Variants in CTIF observed in about 807,000 individuals in gnomAD.
CTIF encodes CBP80/20-dependent translation initiation factor.
CTIF carries 21 observed loss-of-function variants against 66.0 expected under a neutral mutation model. The ratio of observed to expected loss-of-function variants is 0.32; its 90% CI spans 0.23 to 0.46. The LOEUF is 0.46. CTIF is among the 20% of genes least tolerant of loss of function. The probability of loss-of-function intolerance (pLI) is 1.00; values close to 1 mark genes in which losing one functional copy is unlikely to be tolerated. For missense variants in CTIF, 739 were observed against 812.7 expected, an observed-to-expected ratio of 0.91 and a Z score of 1.10; for synonymous variants, 345 against 326.4, an observed-to-expected ratio of 1.06 and a Z score of -0.62.
chr18:48,661,249 T>C (rs1264220290), intron 3 of CTIF, among the ~76,000 whole-genome samples: 2 of 152,084 alleles, frequency 1.3e-5, no homozygotes, highest in Non-Finnish European at 2.9e-5. Context: ...CCAGAGAACA[T>C]TGGGTATTTA....
intron 6 of CTIF, among the ~76,000 whole-genome samples, chr18:48,705,011 AGGCAGT>A (rs1033144891): frequency 6.6e-6 from 1 of 152,198 alleles, no homozygotes; most frequent in Admixed American, 6.5e-5. Context: ...CTCGGCTGGC[AGGCAGT>A]GGTGGAGACA....
At chr18:48,590,399 G>A (rs2143959754) in intron 1 of CTIF, among the ~76,000 whole-genome samples, 1 of 152,384 alleles carries the variant, frequency 6.6e-6, no homozygotes, top group East Asian at 1.9e-4. Context: ...CAGGAGGCCT[G>A]TGGGAAAGGG....
At chr18:48,576,463 C>A (rs553716342) in intron 1 of CTIF, among the ~76,000 whole-genome samples, 5 of 152,322 alleles carry the variant, frequency 3.3e-5, no homozygotes, top group Admixed American at 6.5e-5. Flanking sequence ...TAGGCGCTGC[C>A]CTCACCCTGG....
intron 8 of CTIF, among the ~76,000 whole-genome samples, chr18:48,759,511 A>C: frequency 6.6e-6 from 1 of 151,920 alleles, no homozygotes; most frequent in East Asian, 1.9e-4. Context: ...GCTAAATGTA[A>C]CTGCAGGGCA....
chr18:48,725,413 C>G, intron 7 of CTIF, among the ~76,000 whole-genome samples: 1 of 152,118 alleles, frequency 6.6e-6, no homozygotes, highest in East Asian at 1.9e-4. Flanking sequence ...TCCCAACGCC[C>G]CTCCTAGGAT....
chr18:48,791,972 A>T (rs1199912555), intron 9 of CTIF, among the ~76,000 whole-genome samples: 2 of 152,204 alleles, frequency 1.3e-5, no homozygotes, highest in South Asian at 2.1e-4. Context: ...GCCCTGGGCT[A>T]TGGTGGGATT....
At chr18:48,600,773 G>A (rs763345373) in intron 1 of CTIF, among the ~76,000 whole-genome samples, 3 of 152,122 alleles carry the variant, frequency 2.0e-5, no homozygotes, top group Non-Finnish European at 4.4e-5. Context: ...AGTGCTGGAT[G>A]AGATAGACAA....
At chr18:48,564,408 T>C (rs1329306842) in intron 1 of CTIF, among the ~76,000 whole-genome samples, 1 of 152,124 alleles carries the variant, frequency 6.6e-6, no homozygotes, top group Non-Finnish European at 1.5e-5. Flanking sequence ...GCAGGCGGCC[T>C]TCGCTAGGCC....
chr18:48,783,249 G>T (rs1196286640), intron 9 of CTIF, among the ~76,000 whole-genome samples: 1 of 152,148 alleles, frequency 6.6e-6, no homozygotes, highest in East Asian at 1.9e-4. Flanking sequence ...AACCACAGCT[G>T]GTCTACATTG....
At chr18:48,569,649 C>G (rs1568038617) in intron 1 of CTIF, among the ~76,000 whole-genome samples, 1 of 152,178 alleles carries the variant, frequency 6.6e-6, no homozygotes, top group Non-Finnish European at 1.5e-5. Context: ...AAAAGCAGGA[C>G]AGACAACCTG....
At chr18:48,824,719 C>A (rs867319775) in intron 10 of CTIF, among the ~76,000 whole-genome samples, 4 of 151,986 alleles carry the variant, frequency 2.6e-5, no homozygotes, top group African/African-American at 9.7e-5. Context: ...CCCACTGCAA[C>A]CTTCTTCGCC....
In CTIF at chr18:48,761,753, C is replaced by A; in HGVS notation, c.1371+64C>A. On this transcript the variant is annotated intron_variant, in intron 9 of 11. Transcript: ENST00000256413. This position sits in a 1 kb window ranked among gnomAD's most constrained non-coding sequence, Gnocchi z 4.2. ...CCCCTCTGCGTTCGGTGAGTTATTC[C>A]TAGCGAGAAGGCTGCGAGTTCTGGC... is the stretch of plus-strand genomic sequence containing the variant. The A allele has an allele frequency of 6.7e-7, 1 of 1,490,890 alleles. No homozygotes were observed. Among genetic ancestry groups the A allele is most frequent in the Non-Finnish European group, 9.2e-7 (1 of 1,092,044 alleles). 92.4% of individuals were successfully genotyped at this position (1,490,890 alleles called of 1,614,324 possible).
At chr18:48,664,315 G>A in intron 4 of CTIF, 132 bp from the exon 5 acceptor site, 1 of 756,410 alleles carries the variant, frequency 1.3e-6, no homozygotes, top group Non-Finnish European at 2.3e-6. Context: ...TTCTGAGTGG[G>A]GCTCCCCGCC....
At chr18:48,788,464 C>A (rs962427626) in intron 9 of CTIF, among the ~76,000 whole-genome samples, 5 of 152,142 alleles carry the variant, frequency 3.3e-5, no homozygotes, top group African/African-American at 1.2e-4. Flanking sequence ...CCACTGAGGG[C>A]CTTTTAGTGC....
chr18:48,561,255 AG>A (rs1164835092), intron 1 of CTIF, among the ~76,000 whole-genome samples: 23 of 151,080 alleles, frequency 1.5e-4, no homozygotes, highest in Non-Finnish European at 2.1e-4. Flanking sequence ...AAAAAAAAAA[AG>A]GAGTGTTTAT....
At chr18:48,552,300 A>T (rs963011562) in intron 1 of CTIF, among the ~76,000 whole-genome samples, 27 of 152,240 alleles carry the variant, frequency 1.8e-4, no homozygotes, top group Non-Finnish European at 3.2e-4. Flanking sequence ...CAGTGAGAAG[A>T]CAAACTGAGG....
chr18:48,636,255 G>A (rs771110793), intron 2 of CTIF, among the ~76,000 whole-genome samples: 5 of 152,248 alleles, frequency 3.3e-5, no homozygotes, highest in African/African-American at 4.8e-5. Flanking sequence ...GTAATAGAGG[G>A]TTAGTGTGGC....
chr18:48,764,459 G>A (rs1201631496), intron 9 of CTIF, among the ~76,000 whole-genome samples: 1 of 152,174 alleles, frequency 6.6e-6, no homozygotes, highest in African/African-American at 2.4e-5. Context: ...CTGCACCTCT[G>A]TATCCCAGGG....
At chr18:48,655,025 T>C (rs1039814764) in intron 3 of CTIF, among the ~76,000 whole-genome samples, 1 of 151,878 alleles carries the variant, frequency 6.6e-6, no homozygotes, top group African/African-American at 2.4e-5. Context: ...CTAACGTAAA[T>C]GACGAGTTAA....
Sources: allele counts gnomAD v4.1 joint callset (sites outside exome capture counted in the v4.1 genomes callset), GRCh38; gene constraint gnomAD v4.1.1; non-coding constraint Gnocchi (gnomAD v3.1); transcripts MANE v1.5; gene names NCBI Gene and HGNC (gene_info 2026-07-23, HGNC 2026-07-21).